The following NDUFAF6 variants were observed in gnomAD, a reference collection of about 807,000 sequenced individuals.
NDUFAF6 encodes NADH:ubiquinone oxidoreductase complex assembly factor 6, also known as NADH dehydrogenase (ubiquinone) complex I, assembly factor 6.
NDUFAF6 carries 45 observed loss-of-function variants against 40.8 expected under a neutral mutation model. The ratio of observed to expected loss-of-function variants is 1.10; its 90% CI spans 0.87 to 1.42. NDUFAF6 has a LOEUF of 1.42. NDUFAF6 is among the 40% of genes most tolerant of loss of function. The probability of loss-of-function intolerance (pLI) is 0.00; values close to 1 mark genes in which losing one functional copy is unlikely to be tolerated. For synonymous variants in NDUFAF6, 185 were observed against 155.9 expected, an observed-to-expected ratio of 1.19 and a Z score of -1.39; for missense variants, 435 against 418.5, an observed-to-expected ratio of 1.04 and a Z score of -0.34.
At chr8:95,104,852 C>T (rs1208252734), downstream of NDUFAF6, among the ~76,000 whole-genome samples, 1 of 152,104 alleles carries the variant, frequency 6.6e-6, no homozygotes, top group Non-Finnish European at 1.5e-5. Context: ...ATCATGTGGC[C>T]TGGCTGGGAA....
At chr8:95,051,946 GA>G (rs949872025) in intron 7 of NDUFAF6, among the ~76,000 whole-genome samples, 2 of 152,138 alleles carry the variant, frequency 1.3e-5, no homozygotes, top group Non-Finnish European at 2.9e-5. Context: ...AAGGTCGCTG[GA>G]AAATGCTAAA....
chr8:94,918,210 G>C (rs1009312622), intron 1 of NDUFAF6, among the ~76,000 whole-genome samples: 2 of 152,168 alleles, frequency 1.3e-5, no homozygotes, highest in Admixed American at 1.3e-4. Flanking sequence ...GCACACCAGA[G>C]ACACAAAACC....
At chr8:95,001,878 A>G (rs933521688) in intron 2 of NDUFAF6, among the ~76,000 whole-genome samples, 10 of 152,242 alleles carry the variant, frequency 6.6e-5, no homozygotes, top group African/African-American at 1.4e-4. Context: ...TCAAAGTTGA[A>G]CAAAGTTCTC....
intron 2 of NDUFAF6, among the ~76,000 whole-genome samples, chr8:95,094,447 C>G (rs1327240501): frequency 8.0e-6 from 1 of 124,506 alleles, no homozygotes; most frequent in Non-Finnish European, 1.6e-5. Flanking sequence ...GAGTCTCACT[C>G]TGTTGCCCAG....
chr8:95,004,929 G>A (rs190069675), intron 2 of NDUFAF6, among the ~76,000 whole-genome samples: 8 of 152,192 alleles, frequency 5.3e-5, no homozygotes, highest in African/African-American at 1.2e-4. Flanking sequence ...ATGATTTATC[G>A]GAAGGGTCAA....
intron 2 of NDUFAF6, among the ~76,000 whole-genome samples, chr8:94,951,609 C>T (rs1390342882): frequency 2.6e-5 from 4 of 152,176 alleles, no homozygotes; most frequent in African/African-American, 9.7e-5. Context: ...CCAAGGAGGG[C>T]GTGCCTCAGG....
intron 1 of NDUFAF6, among the ~76,000 whole-genome samples, chr8:95,100,863 A>G (rs576910757): frequency 1.3e-5 from 2 of 152,252 alleles, no homozygotes; most frequent in African/African-American, 4.8e-5. Flanking sequence ...GCTCAGCAAA[A>G]CCAAGTTATT....
intron 5 of NDUFAF6, chr8:95,115,812 A>T (rs1462947016): frequency 2.0e-5 from 3 of 152,208 alleles, no homozygotes. Context: ...AGAGTGTGAG[A>T]GCTGCTCACT....
intron 1 of NDUFAF6, among the ~76,000 whole-genome samples, chr8:94,939,103 G>A (rs1165243764): frequency 6.6e-6 from 1 of 152,200 alleles, no homozygotes; most frequent in Non-Finnish European, 1.5e-5. Flanking sequence ...ACTGTGCAGT[G>A]TGAGTATTGC....
downstream of NDUFAF6, among the ~76,000 whole-genome samples, chr8:95,117,573 G>A (rs1312627095): frequency 3.3e-5 from 5 of 152,150 alleles, no homozygotes; most frequent in Non-Finnish European, 5.9e-5. Context: ...AAAAGTGAAC[G>A]CAATGCACAG....
At chr8:94,938,291 T>C (rs753343095) in intron 1 of NDUFAF6, among the ~76,000 whole-genome samples, 1 of 152,232 alleles carries the variant, frequency 6.6e-6, no homozygotes, top group Non-Finnish European at 1.5e-5. Flanking sequence ...GGGATTCTGG[T>C]GTTGTGCCAG....
intron 8 of NDUFAF6, among the ~76,000 whole-genome samples, chr8:95,056,295 TGA>T (rs1433125360): frequency 6.6e-6 from 1 of 151,886 alleles, no homozygotes; most frequent in Non-Finnish European, 1.5e-5. Flanking sequence ...ACTGCAGCCT[TGA>T]CCTCCCAGGC....
At chr8:94,984,594 G>A (rs1049555787) in intron 2 of NDUFAF6, among the ~76,000 whole-genome samples, 2 of 152,160 alleles carry the variant, frequency 1.3e-5, no homozygotes, top group African/African-American at 4.8e-5. Flanking sequence ...AGTCCACAGG[G>A]TGTTCCCTTA....
At chr8:94,901,400 A>G (rs556311410) in intron 1 of NDUFAF6, among the ~76,000 whole-genome samples, 1 of 151,916 alleles carries the variant, frequency 6.6e-6, no homozygotes, top group Non-Finnish European at 1.5e-5. Flanking sequence ...GATTGGGAGA[A>G]GCACACTCAG....
At chr8:94,930,268 A>G (rs1820259700) in intron 1 of NDUFAF6, 1 of 594,492 alleles carries the variant, frequency 1.7e-6, no homozygotes, top group Non-Finnish European at 2.8e-6. Context: ...AATCTGAAAA[A>G]GTGTACAAAA....
chr8:95,005,526 A>AATATATATATATAT (rs760333438), intron 2 of NDUFAF6, among the ~76,000 whole-genome samples: 2 of 7,276 alleles, frequency 2.7e-4, no homozygotes, highest in African/African-American at 7.4e-4. Flanking sequence ...GGTCCTTTTA[A>AATATATATATATAT]ATATATATAT....
chr8:94,965,941 G>A (rs1232884118), intron 1 of NDUFAF6, among the ~76,000 whole-genome samples: 3 of 152,186 alleles, frequency 2.0e-5, no homozygotes, highest in African/African-American at 7.2e-5. Context: ...GAAAACAAAG[G>A]CTGAGAAATA....
intron 7 of NDUFAF6, among the ~76,000 whole-genome samples, chr8:95,050,646 A>G (rs1474362419): frequency 6.6e-6 from 1 of 152,200 alleles, no homozygotes; most frequent in Admixed American, 6.5e-5. Flanking sequence ...CATCATCATC[A>G]AATAAAGCAG....
Position 94,987,333 on chromosome 8 carries a change from T to C in NDUFAF6, c.-84+6360T>C, listed in dbSNP as rs116024933. On this transcript the variant is annotated intron_variant, in intron 2 of 9. Transcript: ENST00000396111. Reference sequence around the variant, plus strand: ...CAGAGGGGCAGTTCTCTCTAGTACTTTATTAGCTGCCTTGATGTCTTGTTT... The same window carrying C: ...CAGAGGGGCAGTTCTCTCTAGTACTCTATTAGCTGCCTTGATGTCTTGTTT... Among the ~76,000 whole-genome samples the C allele has an allele frequency of 7.7e-3, 1,179 of 152,276 alleles. 10 individuals are homozygous for C. The highest frequency in any genetic ancestry group is 0.027 in the African/African-American group (1,125 of 41,546).
Sources: allele counts gnomAD v4.1 joint callset (sites outside exome capture counted in the v4.1 genomes callset), GRCh38; gene constraint gnomAD v4.1.1; transcripts MANE v1.5; gene names NCBI Gene and HGNC (gene_info 2026-07-23, HGNC 2026-07-21).